Variants in WDFY3 observed in about 807,000 individuals in gnomAD.
WDFY3 encodes the protein WD repeat and FYVE domain containing 3.
In WDFY3, 66 loss-of-function variants were observed where a neutral mutation model predicts 409.6. That is an observed-to-expected ratio of 0.16 (90% CI 0.13 to 0.20). WDFY3 has a LOEUF of 0.20. Among genes scored for constraint, WDFY3 ranks in the 10% least tolerant of loss-of-function variants. WDFY3 has a pLI of 1.00. For synonymous variants in WDFY3, 1,521 were observed against 1,537.1 expected (o/e 0.99, Z 0.25); for missense variants, 3,031 against 4,298.1 (o/e 0.71, Z 8.24).
intron 19 of WDFY3, among the ~76,000 whole-genome samples, 166 bp downstream of exon 19, chr4:84,796,355 A>G (rs959820829): frequency 2.6e-5 from 4 of 152,210 alleles, no homozygotes; most frequent in African/African-American, 7.2e-5. Context: ...AAAAATAATT[A>G]AATGTAGTAA....
rs1560795465 is a variant in WDFY3, at chr4:84,801,636, G to C, written c.2822+14C>G. The C allele has an allele frequency of 1.3e-6, 2 of 1,596,870 alleles. No individual in the cohort carries two copies. Among genetic ancestry groups the C allele is most frequent in the Non-Finnish European group, 1.7e-6 (2 of 1,169,488 alleles). ...TACTAATTGTGGACTATTTGAGTAT[G>C]AAAGAGAACTTACCTCAACACCATG... On this transcript the variant is annotated intron_variant, in intron 17 of 67. Coordinates refer to ENST00000295888, the MANE Select transcript of WDFY3 (RefSeq NM_014991.6).
At chr4:84,835,699 G>A (rs938579906) in intron 7 of WDFY3, among the ~76,000 whole-genome samples, 3 of 152,108 alleles carry the variant, frequency 2.0e-5, no homozygotes, top group Non-Finnish European at 4.4e-5. Flanking sequence ...CATCCTTACA[G>A]TAAAGAGCCC....
intron 44 of WDFY3, among the ~76,000 whole-genome samples, chr4:84,730,227 A>G (rs1560613984): frequency 6.6e-6 from 1 of 152,196 alleles, no homozygotes; most frequent in Non-Finnish European, 1.5e-5. Context: ...TACAGGGCCC[A>G]TAAAATTGAA....
intron 67 of WDFY3, among the ~76,000 whole-genome samples, chr4:84,674,963 T>C (rs1465289487): frequency 6.6e-6 from 1 of 151,836 alleles, no homozygotes; most frequent in Non-Finnish European, 1.5e-5. Flanking sequence ...TATGGGTTTT[T>C]AAATTTATTA....
chr4:84,855,369 T>C (rs1354240403), intron 4 of WDFY3, among the ~76,000 whole-genome samples: 2 of 152,218 alleles, frequency 1.3e-5, no homozygotes, highest in Non-Finnish European at 2.9e-5. Context: ...TGTTCATCTT[T>C]AGAGAAAAAT....
At position 84,679,233 on chromosome 4, in the gene WDFY3, G is replaced by A. The variant is rs764554298; in HGVS notation, c.9833C>T (p.Ala3278Val). The A allele has an allele frequency of 7.2e-6, 11 of 1,535,454 alleles. No individual in the cohort carries two copies. The highest frequency in any genetic ancestry group is 8.8e-6 in the Non-Finnish European group (10 of 1,135,690). Residue 3278 changes from alanine to valine, a missense_variant, in exon 65 of 68, where the codon GCC (alanine) becomes GTC (valine). By Grantham distance (64) the Ala-to-Val change is moderately conservative. Transcript: ENST00000295888. ...TGAATCACTGCTGTCCTCGTCTTGG[G>A]CTTCCTGCCCTGGGTGAAGCATTGA... ...DCPEAQIGQE[A>V]QDEDSSDSEA...
chr4:84,834,813 G>A (rs1361904304), intron 7 of WDFY3, among the ~76,000 whole-genome samples: 2 of 152,150 alleles, frequency 1.3e-5, no homozygotes, highest in South Asian at 2.1e-4. Flanking sequence ...TAAAGTCCCA[G>A]GAAACCGTCT....
At chr4:84,795,017 T>G (rs767151570) in intron 19 of WDFY3, 38 bp from the exon 20 acceptor site, 1 of 1,429,346 alleles carries the variant, frequency 7.0e-7, no homozygotes, top group Admixed American at 2.6e-5. Context: ...TAGAGATCAA[T>G]GACTCCTTCT....
rs1731579758 is a variant in WDFY3, at chr4:84,704,447, G to A, written c.8336-3C>T. 1 of 1,587,798 alleles carries A rather than the reference G, an allele frequency of 6.3e-7. No homozygotes were observed. The highest frequency in any genetic ancestry group is 8.6e-7 in the Non-Finnish European group (1 of 1,168,538). On this transcript the variant is annotated splice_region_variant and splice_polypyrimidine_tract_variant and intron_variant, in intron 54 of 67. Transcript: ENST00000295888. The stretch of plus-strand genomic sequence containing the variant: ...ATAGTGGTATGCAGGAGTTTCTCCT[G>A]TTTAAGAAAATTAAAGCACAATTGA...
chr4:84,708,935 AGG>A lies in WDFY3; in HGVS notation c.8189_8190del (p.Pro2730LeufsTer7), dbSNP rs759602451. The A allele has an allele frequency of 6.2e-7, 1 of 1,613,920 alleles. No individual in the cohort carries two copies. Among genetic ancestry groups the A allele is most frequent in the Non-Finnish European group, 8.5e-7 (1 of 1,179,866 alleles). On this transcript the variant is annotated frameshift_variant, in exon 53 of 68. Coordinates refer to ENST00000295888, the MANE Select transcript of WDFY3 (RefSeq NM_014991.6). LOFTEE classifies it high-confidence loss of function. The stretch of plus-strand genomic sequence containing the variant: ...TCTGAGTCATAATCTGCAAGGATCC[AGG>A]GGAAGACAGGATACTGCATGAGATC... Reference protein sequence around the residue: ...YNDLMQYPVFPWILADYDSEE... With the variant: ...YNDLMQYPVFXWILADYDSEE...
chr4:84,677,476 G>T, intron 66 of WDFY3, 80 bp from the exon 67 acceptor site: 1 of 1,396,844 alleles, frequency 7.2e-7, no homozygotes, highest in Non-Finnish European at 9.5e-7. Flanking sequence ...GATTTTGGTG[G>T]ATGTGTGTTT....
intron 7 of WDFY3, among the ~76,000 whole-genome samples, chr4:84,835,535 T>A (rs1756449777): frequency 6.6e-6 from 1 of 152,210 alleles, no homozygotes; most frequent in Admixed American, 6.5e-5. Flanking sequence ...TGAGAAATGT[T>A]AACCACAAGC....
At chr4:84,736,788 C>G (rs1049284331) in intron 41 of WDFY3, among the ~76,000 whole-genome samples, 2 of 151,744 alleles carry the variant, frequency 1.3e-5, no homozygotes, top group African/African-American at 4.8e-5. Flanking sequence ...TATTCCCATA[C>G]CAAGTAGGAC....
intron 44 of WDFY3, among the ~76,000 whole-genome samples, chr4:84,731,810 A>T (rs1472759665): frequency 2.0e-5 from 3 of 152,240 alleles, no homozygotes; most frequent in African/African-American, 7.2e-5. Flanking sequence ...TATTATGGTT[A>T]TTGTAAAAAT....
At position 84,751,353 on chromosome 4, in the gene WDFY3, C is replaced by T. The variant is rs929550378; in HGVS notation, c.5973+130G>A. On this transcript the variant is annotated intron_variant, in intron 36 of 67. Coordinates refer to ENST00000295888, the MANE Select transcript of WDFY3 (RefSeq NM_014991.6). ...ATGTGGGATTAAGAACTTTCCACAG[C>T]CTATAACATGTTCTGCCTACACATA... 1.7e-5 allele frequency: 16 copies of T among 943,268 alleles called. No homozygotes were observed. The African/African-American group carries it at 2.5e-4, about 15-fold the overall frequency. The allele number at this position is 943,268 out of a possible 1,614,324, so 58.4% of individuals were successfully genotyped here. A position where few individuals can be genotyped will look rare whatever the true frequency, so the allele number is the denominator to read the frequency against.
intron 1 of WDFY3, among the ~76,000 whole-genome samples, chr4:84,955,087 T>C (rs1774074175): frequency 6.6e-6 from 1 of 151,850 alleles, no homozygotes; most frequent in African/African-American, 2.4e-5. Context: ...CCTGTAGTCT[T>C]AGCTATTCAG....
In WDFY3 at chr4:84,737,260, T is replaced by C; in HGVS notation, c.6681A>G (p.Glu2227=). 1 of 1,614,092 alleles carries C rather than the reference T, an allele frequency of 6.2e-7. No individual in the cohort carries two copies. The highest frequency in any genetic ancestry group is 2.2e-5 in the East Asian group (1 of 44,876). Reference sequence around the variant, plus strand: ...CTGTAGCTATGTCCACGTGGCCCCTTTCATTCACAGGTAGAGTTACTTTGA... The same window carrying C: ...CTGTAGCTATGTCCACGTGGCCCCTCTCATTCACAGGTAGAGTTACTTTGA... ...ELFKVTLPVN[E]RGHVDIATAR... Residue 2227 remains glutamate (E), a synonymous_variant, in exon 41 of 68, where the codon GAA becomes GAG. Transcript: ENST00000295888.
At chr4:84,913,703 A>C (rs1768081551) in intron 2 of WDFY3, among the ~76,000 whole-genome samples, 1 of 152,094 alleles carries the variant, frequency 6.6e-6, no homozygotes, top group African/African-American at 2.4e-5. Context: ...CTGAAACTAA[A>C]CCAAATGGTG....
chr4:84,828,109 G>A (rs1427347176), intron 9 of WDFY3, among the ~76,000 whole-genome samples: 4 of 151,882 alleles, frequency 2.6e-5, no homozygotes, highest in African/African-American at 9.7e-5. Context: ...AAGGGAGGAA[G>A]GAAGGGAGGG....
Sources: allele counts gnomAD v4.1 joint callset (sites outside exome capture counted in the v4.1 genomes callset), GRCh38; gene constraint gnomAD v4.1.1; transcripts MANE v1.5; gene names NCBI Gene and HGNC (gene_info 2026-07-23, HGNC 2026-07-21).